The following TNFRSF10B variants were observed in gnomAD, a reference collection of about 807,000 sequenced individuals.
TNFRSF10B encodes TNF receptor superfamily member 10b.
A neutral mutation model predicts 41.4 loss-of-function variants in TNFRSF10B; 35 were observed. That is an observed-to-expected ratio of 0.85 (90% confidence interval 0.65 to 1.12). The LOEUF (loss-of-function observed/expected upper bound fraction) is 1.12, where lower values mean the gene tolerates loss of function less well. TNFRSF10B is among the 50% of genes most tolerant of loss of function. The pLI, the probability that TNFRSF10B is intolerant of heterozygous loss-of-function variation, is 0.00. For missense variants in TNFRSF10B, 584 were observed against 552.7 expected (o/e 1.06, Z -0.57); for synonymous variants, 230 against 215.5 (o/e 1.07, Z -0.59).
Position 23,021,927 on chromosome 8 carries a change from T to G in TNFRSF10B, c.*744A>C, listed in dbSNP as rs1811536893. ...AAACAAGTACATTTACTAAAGTTTC[T>G]TCATGTTCATAAAATAATAACATAC... is the stretch of plus-strand genomic sequence containing the variant. On this transcript the variant is annotated 3_prime_UTR_variant, in exon 9 of 9. Coordinates refer to ENST00000276431, the MANE Select transcript of TNFRSF10B (RefSeq NM_003842.5). 2.2e-6 allele frequency: 1 copy of G among 453,092 alleles called. No homozygotes were observed. The highest frequency in any genetic ancestry group is 2.4e-5 in the Admixed American group (1 of 42,444). The allele number at this position is 453,092 out of a possible 1,614,324, so 28.1% of individuals were successfully genotyped here. A position where few individuals can be genotyped will look rare whatever the true frequency, so the allele number is the denominator to read the frequency against.
At position 23,043,120 on chromosome 8, in the gene TNFRSF10B, G is replaced by A. The variant is rs1330959051; in HGVS notation, c.250+18C>T. On this transcript the variant is annotated intron_variant, in intron 2 of 8. Transcript: ENST00000276431. ...AAGGGGAGGAGGGGCAAGGATTAGA[G>A]ACCCATCTTGAACATACCAGGTGGA... 1.2e-6 allele frequency: 2 copies of A among 1,608,152 alleles called. No homozygotes were observed. The highest frequency in any genetic ancestry group is 1.7e-5 in the Admixed American group (1 of 59,964).
Position 23,029,993 on chromosome 8 carries a change from T to C in TNFRSF10B, c.365-272A>G, listed in dbSNP as rs1032302540. Among the ~76,000 whole-genome samples the C allele has an allele frequency of 2.0e-5, 3 of 152,184 alleles. No individual in the cohort carries two copies. The South Asian group carries it at 6.2e-4, about 31-fold the overall frequency. ...GTTTAGGGGACAAGCATCGTTTAGATTGCATGGCCAGTAGCAAGGGAAGTG... is the reference window on the plus strand; with the variant it reads ...GTTTAGGGGACAAGCATCGTTTAGACTGCATGGCCAGTAGCAAGGGAAGTG... On this transcript the variant is annotated intron_variant, in intron 3 of 8. Coordinates refer to ENST00000276431, the MANE Select transcript of TNFRSF10B (RefSeq NM_003842.5).
intron 1 of TNFRSF10B, among the ~76,000 whole-genome samples, chr8:23,058,245 T>C (rs1037987901): frequency 6.6e-6 from 1 of 151,916 alleles, no homozygotes; most frequent in Admixed American, 6.6e-5. Context: ...AGACTCTGTC[T>C]CAAAAAAAAA....
chr8:23,054,296 G>A (rs993342076), intron 1 of TNFRSF10B, among the ~76,000 whole-genome samples: 5 of 152,122 alleles, frequency 3.3e-5, no homozygotes, highest in South Asian at 2.1e-4. Flanking sequence ...TTTGACTTTC[G>A]GCTTAAAATG....
chr8:23,030,805 G>C lies in TNFRSF10B; in HGVS notation c.318C>G (p.His106Gln), dbSNP rs760575056. 9 of 1,613,198 alleles carry C rather than the reference G, an allele frequency of 5.6e-6. No individual in the cohort carries two copies. The highest frequency in any genetic ancestry group is 7.6e-6 in the Non-Finnish European group (9 of 1,179,676). The change falls in exon 3 of 9, where the codon CAC becomes CAG. Residue 106 changes from histidine (H) to glutamine (Q), a missense_variant. His to Gln is a conservative substitution (Grantham distance 24). Transcript: ENST00000276431. ...SCKYGQDYST[H>Q]WNDLLFCLRC... Reference sequence around the variant, plus strand: ...GCAAGCAGAAAAGGAGGTCATTCCAGTGAGTGCTATAGTCCTGTCCATATT... The same window carrying C: ...GCAAGCAGAAAAGGAGGTCATTCCACTGAGTGCTATAGTCCTGTCCATATT...
intron 2 of TNFRSF10B, among the ~76,000 whole-genome samples, chr8:23,040,265 AAATATATATAT>A (rs2128814685): frequency 8.3e-6 from 1 of 121,012 alleles, no homozygotes; most frequent in African/African-American, 3.4e-5. Context: ...TATATTTATT[AAATATATATAT>A]AATATATATT....
At chr8:23,039,921 C>G (rs1298336568) in intron 2 of TNFRSF10B, among the ~76,000 whole-genome samples, 1 of 152,004 alleles carries the variant, frequency 6.6e-6, no homozygotes, top group Non-Finnish European at 1.5e-5. Context: ...AGGCTAGGTG[C>G]GTGGCTCATA....
At chr8:23,044,037 A>G (rs1812283649) in intron 1 of TNFRSF10B, among the ~76,000 whole-genome samples, 1 of 152,236 alleles carries the variant, frequency 6.6e-6, no homozygotes, top group Non-Finnish European at 1.5e-5. Context: ...ATGATCAAGT[A>G]ATTTTTGGCA....
At chr8:23,028,020 A>T in intron 5 of TNFRSF10B, 2 of 600,770 alleles carry the variant, frequency 3.3e-6, no homozygotes, top group Non-Finnish European at 5.9e-6. Flanking sequence ...TCTCATCCTC[A>T]CCCTTGTCAC....
chr8:23,029,306 A>G, intron 4 of TNFRSF10B, among the ~76,000 whole-genome samples: 1 of 152,190 alleles, frequency 6.6e-6, no homozygotes, highest in East Asian at 1.9e-4. Context: ...CATTCTACTC[A>G]TTCTTCTTAT....
intron 5 of TNFRSF10B, chr8:23,028,045 G>A (rs751152083): frequency 1.1e-4 from 66 of 599,154 alleles, no homozygotes; most frequent in Non-Finnish European, 1.7e-4. Context: ...TTGAGGAGCC[G>A]ACTGCCCCCT....
Position 23,057,003 on chromosome 8 carries a change from C to A in TNFRSF10B, c.144+11748G>T, listed in dbSNP as rs116002094. 9.6e-3 allele frequency among the ~76,000 whole-genome samples: 1,438 copies of A among 149,962 alleles called. 30 individuals are homozygous for A. Among genetic ancestry groups the A allele is most frequent in the African/African-American group, 0.033 (1,359 of 40,768 alleles). Reference sequence around the variant, plus strand: ...GATGCATGTGTCCTCTTATAAATGTCAATTAAGTCAAGGTGGTTCAGATCT... The same window carrying A: ...GATGCATGTGTCCTCTTATAAATGTAAATTAAGTCAAGGTGGTTCAGATCT... On this transcript the variant is annotated intron_variant, in intron 1 of 8. Transcript: ENST00000276431.
In TNFRSF10B at chr8:23,029,725, A is replaced by C. The variant is rs757787124; in HGVS notation, c.365-4T>G. ...CAGGGACTTAGCTCCACTTCACCTG[A>C]CGACAGAGCATAAGGTTTTGGGAAT... On this transcript the variant is annotated splice_region_variant and splice_polypyrimidine_tract_variant and intron_variant, in intron 3 of 8. Coordinates refer to ENST00000276431, the MANE Select transcript of TNFRSF10B (RefSeq NM_003842.5). 1.5e-5 allele frequency: 24 copies of C among 1,612,522 alleles called. No homozygotes were observed. Among genetic ancestry groups the C allele is most frequent in the Non-Finnish European group, 2.0e-5 (24 of 1,179,332 alleles).
intron 2 of TNFRSF10B, among the ~76,000 whole-genome samples, chr8:23,038,435 A>G (rs112603730): frequency 1.3e-5 from 2 of 152,228 alleles, no homozygotes; most frequent in African/African-American, 4.8e-5. Flanking sequence ...TAAGGACTGT[A>G]ATCATTATAA....
chr8:23,054,234 A>G (rs977964708), intron 1 of TNFRSF10B, among the ~76,000 whole-genome samples: 1 of 152,258 alleles, frequency 6.6e-6, no homozygotes, highest in Non-Finnish European at 1.5e-5. Flanking sequence ...AATATCAAAC[A>G]GGACAGGAAT....
chr8:23,036,398 C>T (rs1039574623), intron 2 of TNFRSF10B, among the ~76,000 whole-genome samples: 2 of 152,202 alleles, frequency 1.3e-5, no homozygotes, highest in Admixed American at 6.5e-5. Flanking sequence ...TTTTGCCTGG[C>T]CTGCACTTAT....
Position 23,028,710 on chromosome 8 carries a change from G to A in TNFRSF10B, c.477-108C>T, listed in dbSNP as rs1408364426. ...CCAGTGTCCCTGAGAAGGTGTCAGG[G>A]GAAGGACAGTCTCCTCGTGTCAGCA... On this transcript the variant is annotated intron_variant, in intron 4 of 8. Transcript: ENST00000276431. 1.9e-5 allele frequency: 27 copies of A among 1,397,610 alleles called. 1 individual carries two copies. The highest frequency in any genetic ancestry group is 8.0e-6 in the Non-Finnish European group (8 of 995,262). The allele number at this position is 1,397,610 out of a possible 1,614,324, so 86.6% of individuals were successfully genotyped here.
At chr8:23,053,809 A>G (rs552423780) in intron 1 of TNFRSF10B, among the ~76,000 whole-genome samples, 2 of 152,252 alleles carry the variant, frequency 1.3e-5, no homozygotes, top group Non-Finnish European at 2.9e-5. Context: ...ATATAAAATT[A>G]TACAGGAAGC....
At chr8:23,036,565 C>T (rs1309375951) in intron 2 of TNFRSF10B, among the ~76,000 whole-genome samples, 3 of 152,258 alleles carry the variant, frequency 2.0e-5, no homozygotes, top group Non-Finnish European at 2.9e-5. Context: ...ATCCGCTAGG[C>T]CGGGTGTGGT....
Sources: gnomAD v4.1 joint callset for allele counts (sites outside exome capture counted in the v4.1 genomes callset) on GRCh38, gnomAD v4.1.1 for gene constraint, MANE v1.5 for transcripts, NCBI Gene and HGNC (gene_info 2026-07-23, HGNC 2026-07-21) for gene names.